Variants in ZNF43 observed in about 807,000 individuals in gnomAD.
The protein encoded by ZNF43 is zinc finger protein 43, also known as zinc finger protein 39-like 1 (KOX 27).
In ZNF43, 44 loss-of-function variants were observed where a neutral mutation model predicts 68.4. That is an observed-to-expected ratio of 0.64 (90% CI 0.51 to 0.83). ZNF43 has a LOEUF of 0.83. Among genes scored for constraint, ZNF43 ranks in the 40% least tolerant of loss-of-function variants. The pLI, the probability that ZNF43 is intolerant of heterozygous loss-of-function variation, is 0.00. For synonymous variants in ZNF43, 308 were observed against 307.8 expected, an observed-to-expected ratio of 1.00 and a Z score of -0.01; for missense variants, 896 against 933.2, an observed-to-expected ratio of 0.96 and a Z score of 0.52.
intron 1 of ZNF43, among the ~76,000 whole-genome samples, chr19:21,833,717 T>G (rs1475970630): frequency 6.6e-6 from 1 of 151,852 alleles, no homozygotes; most frequent in African/African-American, 2.4e-5. Flanking sequence ...AGGAAAAACT[T>G]GACCTAAAAA....
At chr19:21,851,769 G>C in intron 1 of ZNF43, 1 of 923,052 alleles carries the variant, frequency 1.1e-6, no homozygotes, top group Non-Finnish European at 1.5e-6. Flanking sequence ...GGGCCCAGCC[G>C]CCATCTTGCG....
intron 2 of ZNF43, among the ~76,000 whole-genome samples, chr19:21,818,658 T>A (rs929926557): frequency 1.3e-5 from 2 of 151,984 alleles, no homozygotes; most frequent in Non-Finnish European, 2.9e-5. Flanking sequence ...TGACCTCAGG[T>A]ATCTGCCTGC....
chr19:21,835,407 G>A (rs1256041348), intron 1 of ZNF43, among the ~76,000 whole-genome samples: 3 of 145,132 alleles, frequency 2.1e-5, no homozygotes, highest in Non-Finnish European at 4.5e-5. Flanking sequence ...GCCCAGGCTG[G>A]AGTGCAATGG....
rs1049891382 is a variant in ZNF43 at position 21,807,244 on chromosome 19, A to G, written c.*363T>C. 2.2e-4 allele frequency: 37 copies of G among 164,730 alleles called. No individual in the cohort carries two copies. Among genetic ancestry groups the G allele is most frequent in the Admixed American group, 1.4e-3 (23 of 16,966 alleles). The allele number at this position is 164,730 out of a possible 1,614,324, so 10.2% of individuals were successfully genotyped here. A position where few individuals can be genotyped will look rare whatever the true frequency, so the allele number is the denominator to read the frequency against. ...AAGTAATGGTACTACAACCCTCTTAATATTTGTAATGTTTGTCTTCAGAAT... is the reference window on the plus strand; with the variant it reads ...AAGTAATGGTACTACAACCCTCTTAGTATTTGTAATGTTTGTCTTCAGAAT... On this transcript the variant is annotated 3_prime_UTR_variant, in exon 4 of 4. Coordinates refer to ENST00000354959, the MANE Select transcript of ZNF43 (RefSeq NM_003423.4).
At chr19:21,844,290 A>G (rs1428597751) in intron 1 of ZNF43, among the ~76,000 whole-genome samples, 2 of 145,690 alleles carry the variant, frequency 1.4e-5, no homozygotes, top group African/African-American at 5.1e-5. Context: ...TGGAGGTTGC[A>G]GTAAGGTGAG....
At position 21,850,760 on chromosome 19, in the gene ZNF43, C is replaced by T. The variant is rs181094725; in HGVS notation, c.30+1145G>A. Among the ~76,000 whole-genome samples, 10 of 152,292 alleles carry T rather than the reference C, an allele frequency of 6.6e-5. No individual in the cohort carries two copies. The East Asian group carries it at 1.9e-3, about 29-fold the overall frequency. ...CCAAGGCAAGAAAAAAGACTCCCAT[C>T]ACCTCAGTGAAAGGCCCAGCTATGT... On this transcript the variant is annotated intron_variant, in intron 1 of 3. Coordinates refer to the ZNF43 transcript ENST00000357491.
intron 1 of ZNF43, among the ~76,000 whole-genome samples, chr19:21,842,114 A>C (rs1967578380): frequency 6.6e-6 from 1 of 152,048 alleles, no homozygotes; most frequent in South Asian, 2.1e-4. Flanking sequence ...GGCCCAGTGA[A>C]AAATCACAAT....
chr19:21,819,311 A>G (rs2037686322), intron 1 of ZNF43, 90 bp from the exon 2 acceptor site: 3 of 1,432,582 alleles, frequency 2.1e-6, no homozygotes, highest in Admixed American at 2.4e-5. Context: ...GTAAAATGAG[A>G]GAGTAAAGAG....
intron 1 of ZNF43, among the ~76,000 whole-genome samples, chr19:21,822,619 C>T (rs1266121266): frequency 2.0e-5 from 3 of 152,052 alleles, no homozygotes; most frequent in African/African-American, 7.2e-5. Flanking sequence ...TCCTGGCTAA[C>T]ACAGTGAAAC....
chr19:21,845,544 G>A (rs770917723), intron 1 of ZNF43: 10 of 152,028 alleles, frequency 6.6e-5, no homozygotes, highest in African/African-American at 2.4e-4. Context: ...TAATACTCTC[G>A]TGACCAGGGC....
In ZNF43 at chr19:21,809,106, C is replaced by G. The variant is rs2037143784; in HGVS notation, c.931G>C (p.Glu311Gln). Residue 311 changes from glutamate to glutamine, a missense_variant, in exon 4 of 4, where the codon GAG becomes CAG. By Grantham distance (29) the Glu-to-Gln change is conservative (BLOSUM62 2). Coordinates refer to ENST00000354959, the MANE Select transcript of ZNF43 (RefSeq NM_003423.4). ...CATTCTTCACATTTGTAAGGTTTCTCTCCAGGATGAATTTTCTTATGTTCA... is the reference window on the plus strand; with the variant it reads ...CATTCTTCACATTTGTAAGGTTTCTGTCCAGGATGAATTTTCTTATGTTCA... ...LTEHKKIHPG[E>Q]KPYKCEECGK... is the part of the protein sequence containing the mutation. The G allele has an allele frequency of 6.2e-7, 1 of 1,613,180 alleles. No individual in the cohort carries two copies. The highest frequency in any genetic ancestry group is 8.5e-7 in the Non-Finnish European group (1 of 1,179,818).
intron 1 of ZNF43, among the ~76,000 whole-genome samples, chr19:21,842,361 A>T (rs1204247368): frequency 6.6e-6 from 1 of 150,504 alleles, no homozygotes; most frequent in Non-Finnish European, 1.5e-5. Flanking sequence ...GTGAGCTGAG[A>T]TCGTGCCACT....
chr19:21,824,732 T>TAAAAAAAAAAAAAAAAAAAAAAAAAA (rs34739856), intron 1 of ZNF43, among the ~76,000 whole-genome samples: 1 of 107,248 alleles, frequency 9.3e-6, no homozygotes, highest in African/African-American at 3.2e-5. Context: ...TATGTTTACC[T>TAAAAAAAAAAAAAAAAAAAAAAAAAA]AAAAAAAAAA....
In ZNF43 at chr19:21,807,991, T is replaced by C; in HGVS notation, c.2046A>G (p.Glu682=). ...AGGACAGTTTAAAAGCTTTGCCACATTCTTCACATTTGTAGGGTTTCTCTC... is the reference window on the plus strand; with the variant it reads ...AGGACAGTTTAAAAGCTTTGCCACACTCTTCACATTTGTAGGGTTTCTCTC... The part of the protein sequence containing the change: ...HTGEKPYKCE[E]CGKAFKLSST... Residue 682 remains glutamate (E), a synonymous_variant, in exon 4 of 4, where the codon GAA becomes GAG. Coordinates refer to ENST00000354959, the MANE Select transcript of ZNF43 (RefSeq NM_003423.4). 1 of 1,612,896 alleles carries C rather than the reference T, an allele frequency of 6.2e-7. No individual in the cohort carries two copies. The highest frequency in any genetic ancestry group is 8.5e-7 in the Non-Finnish European group (1 of 1,179,874).
Position 21,805,103 on chromosome 19 carries a change from A to G in ZNF43, c.*2504T>C, listed in dbSNP as rs1476523642. On this transcript the variant is annotated 3_prime_UTR_variant, in exon 4 of 4. Transcript: ENST00000354959. ...AAAGGATAAATGCTGAAGGTAATAG[A>G]TACTTTATCCTGATGTGACTAATAC... 6.6e-6 allele frequency: 1 copy of G among 152,218 alleles called. No individual in the cohort carries two copies. The highest frequency in any genetic ancestry group is 1.5e-5 in the Non-Finnish European group (1 of 68,050). 9.4% of individuals were successfully genotyped at this position (152,218 alleles called of 1,614,324 possible). A position where few individuals can be genotyped will look rare whatever the true frequency, so the allele number is the denominator to read the frequency against.
chr19:21,808,994 C>T lies in ZNF43; in HGVS notation c.1043G>A (p.Gly348Asp), dbSNP rs1459295657. 2 of 1,613,366 alleles carry T rather than the reference C, an allele frequency of 1.2e-6. No individual in the cohort carries two copies. Among genetic ancestry groups the T allele is most frequent in the African/African-American group, 2.7e-5 (2 of 74,832 alleles). Residue 348 changes from glycine (G) to aspartate (D), a missense_variant, in exon 4 of 4, where the codon GGC becomes GAC. Coordinates refer to ENST00000354959, the MANE Select transcript of ZNF43 (RefSeq NM_003423.4). Reference protein sequence around the residue: ...GEKPYTCEECGKAFNQFSNLT... With the variant: ...GEKPYTCEECDKAFNQFSNLT... ...GTTTGAGAACTGGTTAAAGGCTTTG[C>T]CACATTCTTCACATGTGTAGGGTTT...
Position 21,808,447 on chromosome 19 carries a change from T to C in ZNF43, c.1590A>G (p.Ile530Met). Residue 530 changes from isoleucine (I) to methionine (M), a missense_variant, in exon 4 of 4, where the codon ATA (isoleucine) becomes ATG (methionine). Transcript: ENST00000354959. Reference protein sequence around the residue: ...KWSSKLTEHKITHTGEKPYKC... With the variant: ...KWSSKLTEHKMTHTGEKPYKC... ...TGTAGGGTTTCTCTCCAGTATGAGTTATCTTATGTTCAGTAAGCTTTGAGG... is the reference window on the plus strand; with the variant it reads ...TGTAGGGTTTCTCTCCAGTATGAGTCATCTTATGTTCAGTAAGCTTTGAGG... The C allele has an allele frequency of 6.2e-7, 1 of 1,613,240 alleles. No individual in the cohort carries two copies. The highest frequency in any genetic ancestry group is 8.5e-7 in the Non-Finnish European group (1 of 1,179,856).
At chr19:21,816,326 C>G (rs780127971) in intron 3 of ZNF43, among the ~76,000 whole-genome samples, 3 of 152,038 alleles carry the variant, frequency 2.0e-5, no homozygotes, top group Non-Finnish European at 4.4e-5. Context: ...GTAGCAAGAC[C>G]CCATCTGAAA....
intron 1 of ZNF43, among the ~76,000 whole-genome samples, chr19:21,844,403 T>C (rs1243342811): frequency 6.6e-6 from 1 of 151,520 alleles, no homozygotes; most frequent in African/African-American, 2.4e-5. Flanking sequence ...ATCTGTGTTT[T>C]TGGCTTGTGA....
Sources: allele counts gnomAD v4.1 joint callset (sites outside exome capture counted in the v4.1 genomes callset), GRCh38; gene constraint gnomAD v4.1.1; transcripts MANE v1.5; gene names NCBI Gene and HGNC (gene_info 2026-07-23, HGNC 2026-07-21).